ERBIN: variants seen among roughly 807,000 people sequenced by gnomAD.
The protein encoded by ERBIN is erbb2 interacting protein, also known as densin-180-like protein.
A neutral mutation model predicts 158.4 loss-of-function variants in ERBIN; 60 were observed. The observed-to-expected ratio is 0.38, with a 90% CI of 0.31 to 0.47. The LOEUF (loss-of-function observed/expected upper bound fraction) is 0.47. Ranked by LOEUF, ERBIN falls within the 20% of genes least tolerant of loss-of-function variation. ERBIN has a pLI of 0.99. For synonymous variants in ERBIN, 594 were observed against 557.2 expected, an observed-to-expected ratio of 1.07 and a Z score of -0.93; for missense variants, 1,610 against 1,648.0, an observed-to-expected ratio of 0.98 and a Z score of 0.40.
chr5:66,013,696 C>G, intron 6 of ERBIN, 58 bp downstream of exon 6: 1 of 1,122,292 alleles, frequency 8.9e-7, no homozygotes, highest in East Asian at 2.4e-5. Flanking sequence ...GTTTACAAAA[C>G]TATAAGCTGC....
intron 4 of ERBIN, among the ~76,000 whole-genome samples, chr5:65,999,351 A>G (rs1752788902): frequency 6.6e-6 from 1 of 152,068 alleles, no homozygotes; most frequent in South Asian, 2.1e-4. Context: ...CAAGAATGAG[A>G]CTCCATCTCA....
intron 1 of ERBIN, among the ~76,000 whole-genome samples, chr5:65,982,377 T>C (rs1750752958): frequency 6.6e-6 from 1 of 152,188 alleles, no homozygotes. Flanking sequence ...TAGAATGTCT[T>C]TATACAAACA....
At chr5:65,935,751 G>T (rs767012973) in intron 1 of ERBIN, among the ~76,000 whole-genome samples, 3 of 152,076 alleles carry the variant, frequency 2.0e-5, no homozygotes, top group Non-Finnish European at 1.5e-5. Context: ...TTGGAGAAGG[G>T]TCTCGCTCTG....
At chr5:66,034,605 CCTT>C (rs1757207502) in intron 14 of ERBIN, among the ~76,000 whole-genome samples, 1 of 148,930 alleles carries the variant, frequency 6.7e-6, no homozygotes, top group Non-Finnish European at 1.5e-5. Flanking sequence ...GTTCTTGAAT[CCTT>C]TTTTTTTTTT....
At chr5:66,017,073 C>T (rs1754827595) in intron 7 of ERBIN, among the ~76,000 whole-genome samples, 1 of 152,002 alleles carries the variant, frequency 6.6e-6, no homozygotes, top group African/African-American at 2.4e-5. Context: ...GTATATGTAC[C>T]ATACTTTATC....
At chr5:65,953,247 G>A (rs911291306) in intron 1 of ERBIN, among the ~76,000 whole-genome samples, 1 of 152,216 alleles carries the variant, frequency 6.6e-6, no homozygotes, top group Non-Finnish European at 1.5e-5. Context: ...AGGATACACA[G>A]TCTAGTTGGT....
At chr5:66,018,441 AATATAATATATATTATATTATATAAT>A (rs1755039118) in intron 7 of ERBIN, among the ~76,000 whole-genome samples, 1 of 53,184 alleles carries the variant, frequency 1.9e-5, no homozygotes, top group South Asian at 6.3e-4. Flanking sequence ...TGATATATAT[AATATAATATATATTATATTATATAAT>A]ATATATTATA....
chr5:66,044,866 G>A (rs1214236068), intron 17 of ERBIN, among the ~76,000 whole-genome samples: 1 of 151,874 alleles, frequency 6.6e-6, no homozygotes, highest in Admixed American at 6.6e-5. Flanking sequence ...CACTTACACC[G>A]AGGATTTGAG....
chr5:65,961,339 T>C (rs916815545), intron 1 of ERBIN: 3 of 152,200 alleles, frequency 2.0e-5, no homozygotes, highest in Admixed American at 2.0e-4. Context: ...AACTGTGATG[T>C]GAGGCTGATA....
intron 1 of ERBIN, among the ~76,000 whole-genome samples, chr5:65,963,236 A>G (rs1177393188): frequency 1.3e-5 from 2 of 152,222 alleles, no homozygotes; most frequent in Non-Finnish European, 2.9e-5. Context: ...TTTCTAAAGT[A>G]GTTTCCTATA....
chr5:66,024,496 C>A, intron 10 of ERBIN, 46 bp downstream of exon 10: 3 of 1,528,710 alleles, frequency 2.0e-6, no homozygotes, highest in Non-Finnish European at 2.6e-6. Flanking sequence ...AAAATAAATT[C>A]GAGACTTCCA....
chr5:65,997,500 C>T (rs1271697392), intron 4 of ERBIN, among the ~76,000 whole-genome samples: 1 of 152,106 alleles, frequency 6.6e-6, no homozygotes, highest in African/African-American at 2.4e-5. Flanking sequence ...TAAGTCCTTA[C>T]CTCAGAAGGA....
At chr5:66,052,526 C>T (rs554542533) in intron 20 of ERBIN, among the ~76,000 whole-genome samples, 6 of 152,008 alleles carry the variant, frequency 3.9e-5, no homozygotes, top group Non-Finnish European at 7.4e-5. Context: ...GTTGGGAAAG[C>T]GGTATGATAT....
chr5:66,042,106 A>G (rs751543136), intron 15 of ERBIN, among the ~76,000 whole-genome samples: 8 of 152,024 alleles, frequency 5.3e-5, no homozygotes, highest in Non-Finnish European at 1.2e-4. Flanking sequence ...TTTTTGTATT[A>G]TGTTATTTTT....
At chr5:65,993,362 C>T (rs1370114630) in intron 3 of ERBIN, among the ~76,000 whole-genome samples, 1 of 152,098 alleles carries the variant, frequency 6.6e-6, no homozygotes, top group Admixed American at 6.5e-5. Context: ...TTGTTTTCCT[C>T]CATTTACAAT....
chr5:65,959,349 T>C lies in ERBIN; in HGVS notation c.-57-29286T>C, dbSNP rs186018068. Among the ~76,000 whole-genome samples, 487 of 152,336 alleles carry C rather than the reference T, an allele frequency of 3.2e-3. 2 individuals are homozygous for C. Among genetic ancestry groups the C allele is most frequent in the African/African-American group, 0.011 (437 of 41,588 alleles). ...TCATTTTTCTATGGAGGCCATCTTA[T>C]TGATTTGGAAGAAGTATTAATATTT... On this transcript the variant is annotated intron_variant, in intron 1 of 25. Transcript: ENST00000284037.
In ERBIN at chr5:65,992,772, A is replaced by T. The variant is rs770091167; in HGVS notation, c.54A>T (p.Arg18=). ...FVRLVPCRCL[R]GEEETVTTLD... ...GGTTGGTACCATGTCGCTGTCTACGAGGGGAAGAGGAGACTGTCACTACTC... is the reference window on the plus strand; with the variant it reads ...GGTTGGTACCATGTCGCTGTCTACGTGGGGAAGAGGAGACTGTCACTACTC... The change falls in exon 3 of 26, where the codon CGA becomes CGT. Residue 18 remains arginine, a synonymous_variant. Transcript: ENST00000284037. The T allele has an allele frequency of 1.1e-5, 17 of 1,613,652 alleles. No individual in the cohort carries two copies. The Admixed American group carries it at 2.3e-4, about 22-fold the overall frequency.
rs886301103 is a variant in ERBIN at position 66,079,657 on chromosome 5, G to T, written c.*1127G>T. 2 of 152,610 alleles carry T rather than the reference G, an allele frequency of 1.3e-5. No individual in the cohort carries two copies. Among genetic ancestry groups the T allele is most frequent in the African/African-American group, 4.8e-5 (2 of 41,434 alleles). The allele number at this position is 152,610 out of a possible 1,614,324, so 9.5% of individuals were successfully genotyped here. On this transcript the variant is annotated 3_prime_UTR_variant, in exon 26 of 26. Coordinates refer to ENST00000284037, the MANE Select transcript of ERBIN (RefSeq NM_001253697.2). ...GGCACAGTGATAGAGAATTGCTGTG[G>T]AGAGTTATAGAGCAAAGGGATGGGT...
chr5:66,044,211 T>A lies in ERBIN; in HGVS notation c.1503T>A (p.Ile501=). 2 of 1,611,964 alleles carry A rather than the reference T, an allele frequency of 1.2e-6. No individual in the cohort carries two copies. The highest frequency in any genetic ancestry group is 1.7e-6 in the Non-Finnish European group (2 of 1,179,182). Residue 501 remains isoleucine, a synonymous_variant, in exon 17 of 26, where the codon ATT becomes ATA. Transcript: ENST00000284037. ...ATATGGTCAAAACTGTTCAAACCAT[T>A]GTACATAGATTAAAAGATGAAGAGA... The part of the protein sequence containing the change: ...LKNMVKTVQT[I]VHRLKDEETN...
Sources: allele counts gnomAD v4.1 joint callset (sites outside exome capture counted in the v4.1 genomes callset), GRCh38; gene constraint gnomAD v4.1.1; transcripts MANE v1.5; gene names NCBI Gene and HGNC (gene_info 2026-07-23, HGNC 2026-07-21).